Variants in WWOX observed in about 807,000 individuals in gnomAD.
The protein encoded by WWOX is WW domain-containing oxidoreductase.
WWOX carries 69 observed loss-of-function variants against 46.2 expected under a neutral mutation model. The observed-to-expected ratio is 1.49, with a 90% CI of 1.23 to 1.82. The LOEUF (loss-of-function observed/expected upper bound fraction) is 1.82. Among genes scored for constraint, WWOX ranks in the 40% most tolerant of loss-of-function variants. The pLI, the probability that WWOX is intolerant of heterozygous loss-of-function variation, is 0.00. For missense variants in WWOX, 919 were observed against 542.6 expected (o/e 1.69, Z -6.89); for synonymous variants, 359 against 202.6 (o/e 1.77, Z -6.56).
At chr16:78,246,962 A>G (rs776480588) in intron 5 of WWOX, among the ~76,000 whole-genome samples, 6 of 152,178 alleles carry the variant, frequency 3.9e-5, no homozygotes, top group African/African-American at 7.2e-5. Flanking sequence ...CCATAGCAGT[A>G]TCAGTCTGTG....
intron 5 of WWOX, among the ~76,000 whole-genome samples, chr16:78,191,173 A>G (rs549194353): frequency 8.3e-4 from 126 of 152,282 alleles, no homozygotes; most frequent in African/African-American, 2.9e-3. Flanking sequence ...GGAGCCTCCC[A>G]AGGCCAAGCC....
intron 8 of WWOX, among the ~76,000 whole-genome samples, chr16:79,172,957 G>T (rs955007150): frequency 1.3e-5 from 2 of 152,134 alleles, no homozygotes; most frequent in Non-Finnish European, 2.9e-5. Flanking sequence ...GGACGTCAAG[G>T]CTGCAGTGAA....
At chr16:78,813,713 T>G (rs528777466) in intron 8 of WWOX, among the ~76,000 whole-genome samples, 43 of 152,332 alleles carry the variant, frequency 2.8e-4, no homozygotes, top group African/African-American at 9.9e-4. Context: ...TTCTACTACC[T>G]GATACTTACT....
intron 6 of WWOX, among the ~76,000 whole-genome samples, chr16:78,392,292 G>A (rs750345285): frequency 6.6e-6 from 1 of 152,044 alleles, no homozygotes; most frequent in African/African-American, 2.4e-5. Context: ...ACATGCAAGG[G>A]ATCTAGGCTG....
chr16:78,283,042 C>T (rs567284100), intron 5 of WWOX, among the ~76,000 whole-genome samples: 5 of 151,946 alleles, frequency 3.3e-5, no homozygotes, highest in African/African-American at 7.3e-5. Flanking sequence ...TGGCAGTCAG[C>T]GATGAGCCAG....
At chr16:78,137,155 A>C (rs1007171702) in intron 4 of WWOX, among the ~76,000 whole-genome samples, 1 of 152,188 alleles carries the variant, frequency 6.6e-6, no homozygotes, top group East Asian at 1.9e-4. Flanking sequence ...ACACATCTGA[A>C]ATGGAGAAGA....
chr16:78,688,922 C>A (rs866600607), intron 8 of WWOX, among the ~76,000 whole-genome samples: 12 of 152,114 alleles, frequency 7.9e-5, no homozygotes, highest in Admixed American at 2.0e-4. Context: ...TGCTTTTCCT[C>A]CTTTGCTTGG....
At chr16:78,420,030 G>A (rs1463384773) in intron 6 of WWOX, among the ~76,000 whole-genome samples, 1 of 152,096 alleles carries the variant, frequency 6.6e-6, no homozygotes, top group East Asian at 1.9e-4. Flanking sequence ...CATAAAAGAT[G>A]TTCAATCTCA....
chr16:79,097,440 C>G (rs1397547303), intron 8 of WWOX, among the ~76,000 whole-genome samples: 2 of 151,832 alleles, frequency 1.3e-5, no homozygotes, highest in African/African-American at 4.8e-5. Context: ...TTATTGCAAC[C>G]AACGCTGTGA....
chr16:78,528,868 G>C (rs2043548083), intron 8 of WWOX, among the ~76,000 whole-genome samples: 1 of 151,840 alleles, frequency 6.6e-6, no homozygotes, highest in Admixed American at 6.6e-5. Flanking sequence ...TGGATTCCCA[G>C]CTTACTCACA....
At chr16:79,021,211 A>G (rs1009636415) in intron 8 of WWOX, among the ~76,000 whole-genome samples, 1 of 152,192 alleles carries the variant, frequency 6.6e-6, no homozygotes, top group Non-Finnish European at 1.5e-5. Flanking sequence ...ATGCAGTAAA[A>G]TAGTTTTTCA....
intron 8 of WWOX, among the ~76,000 whole-genome samples, chr16:78,734,634 C>G (rs1397656733): frequency 2.6e-5 from 4 of 151,816 alleles, no homozygotes; most frequent in African/African-American, 7.3e-5. Flanking sequence ...ACAGGGTGCC[C>G]ACATGTTTGG....
At chr16:78,222,509 G>GA (rs2036921094) in intron 5 of WWOX, among the ~76,000 whole-genome samples, 1 of 152,080 alleles carries the variant, frequency 6.6e-6, no homozygotes, top group African/African-American at 2.4e-5. Flanking sequence ...AAGAAAGAGA[G>GA]AAAAAAATAC....
intron 8 of WWOX, among the ~76,000 whole-genome samples, chr16:79,138,966 C>A (rs550567400): frequency 5.9e-5 from 9 of 152,070 alleles, no homozygotes; most frequent in Middle Eastern, 3.2e-3. Flanking sequence ...CAGAGTCTTC[C>A]CCCATCCACA....
At chr16:78,795,082 C>T (rs2050702300) in intron 8 of WWOX, among the ~76,000 whole-genome samples, 1 of 152,074 alleles carries the variant, frequency 6.6e-6, no homozygotes, top group African/African-American at 2.4e-5. Flanking sequence ...TAAGCATATC[C>T]TGTTTTCGAG....
At chr16:78,901,503 T>C (rs1431764657) in intron 8 of WWOX, among the ~76,000 whole-genome samples, 1 of 152,248 alleles carries the variant, frequency 6.6e-6, no homozygotes, top group Admixed American at 6.5e-5. Flanking sequence ...TTTTTCTTCC[T>C]GTGAGACAGG....
chr16:78,380,509 G>C (rs8058540), intron 5 of WWOX, among the ~76,000 whole-genome samples: 108,011 of 152,040 alleles, frequency 0.71, 39,554 homozygotes, highest in African/African-American at 0.82. Context: ...CCATTCAGCC[G>C]TATCAGTGAA....
intron 8 of WWOX, among the ~76,000 whole-genome samples, chr16:78,774,987 G>T (rs944058898): frequency 1.3e-5 from 2 of 152,142 alleles, no homozygotes; most frequent in African/African-American, 4.8e-5. Context: ...GGGGCTGCAG[G>T]TAGAACTAGA....
Position 79,207,824 on chromosome 16 carries a change from C to T in WWOX, c.1057-3784C>T, listed in dbSNP as rs185751691. The stretch of plus-strand genomic sequence containing the variant: ...TTTACCATATATTGTTTATCAGAAA[C>T]CTCTGTACCCTTTCCTTTAAAGGAG... On this transcript the variant is annotated intron_variant, in intron 8 of 8. Coordinates refer to ENST00000566780, the MANE Select transcript of WWOX (RefSeq NM_016373.4). Among the ~76,000 whole-genome samples, 6 of 151,738 alleles carry T rather than the reference C, an allele frequency of 4.0e-5. No individual in the cohort carries two copies. The East Asian group carries it at 1.2e-3, about 29-fold the overall frequency.
Sources: allele counts gnomAD v4.1 joint callset (sites outside exome capture counted in the v4.1 genomes callset), GRCh38; gene constraint gnomAD v4.1.1; transcripts MANE v1.5; gene names NCBI Gene and HGNC (gene_info 2026-07-23, HGNC 2026-07-21).